Variants in ZNF212 observed in about 807,000 individuals in gnomAD.
The protein encoded by ZNF212 is zinc finger protein 212.
ZNF212 carries 32 observed loss-of-function variants against 47.3 expected under a neutral mutation model. The observed-to-expected ratio is 0.68, with a 90% CI of 0.51 to 0.91. The LOEUF (loss-of-function observed/expected upper bound fraction) is 0.91. Ranked by LOEUF, ZNF212 falls within the 40% of genes least tolerant of loss-of-function variation. The pLI is 0.00. For missense variants in ZNF212, 555 were observed against 622.8 expected (o/e 0.89, Z 1.16); for synonymous variants, 242 against 253.8 (o/e 0.95, Z 0.44).
At chr7:149,249,187 C>T (rs935897098) in intron 1 of ZNF212, among the ~76,000 whole-genome samples, 16 of 152,142 alleles carry the variant, frequency 1.1e-4, no homozygotes, top group African/African-American at 2.9e-4. Context: ...AGAGACAGCT[C>T]ATTAAAGTGA....
At chr7:149,251,142 G>A in intron 3 of ZNF212, 1 of 264,096 alleles carries the variant, frequency 3.8e-6, no homozygotes. Flanking sequence ...AGTGTGATAT[G>A]GCTAGGGTTC....
At chr7:149,252,922 C>G in intron 4 of ZNF212, 127 bp downstream of exon 4, 1 of 878,922 alleles carries the variant, frequency 1.1e-6, no homozygotes, top group East Asian at 2.7e-5. Context: ...TTCTGGACTC[C>G]TTTATGATTG....
intron 1 of ZNF212, among the ~76,000 whole-genome samples, chr7:149,247,096 G>A (rs1327643012): frequency 6.6e-6 from 1 of 151,206 alleles, no homozygotes; most frequent in Non-Finnish European, 1.5e-5. Flanking sequence ...TTAGGTGTGA[G>A]CCACCATGCC....
At chr7:149,246,305 A>G (rs1009562558) in intron 1 of ZNF212, among the ~76,000 whole-genome samples, 3 of 152,238 alleles carry the variant, frequency 2.0e-5, no homozygotes, top group Non-Finnish European at 2.9e-5. Flanking sequence ...AATTTTGACA[A>G]ATGTGTAGCC....
chr7:149,252,365 T>A (rs1301619712), intron 3 of ZNF212, among the ~76,000 whole-genome samples: 3 of 152,034 alleles, frequency 2.0e-5, no homozygotes, highest in African/African-American at 7.2e-5. Flanking sequence ...TGAAATTAGA[T>A]CCCCTGAAAG....
intron 4 of ZNF212, 77 bp from the exon 5 acceptor site, chr7:149,253,482 C>A: frequency 6.6e-7 from 1 of 1,504,232 alleles, no homozygotes; most frequent in Non-Finnish European, 8.9e-7. Context: ...CTGAAATTCA[C>A]AGATGTTTGT....
At chr7:149,240,384 C>CT (rs1426403224) in intron 1 of ZNF212, among the ~76,000 whole-genome samples, 1 of 141,888 alleles carries the variant, frequency 7.0e-6, no homozygotes, top group African/African-American at 2.7e-5. Context: ...TCTCCTTCAC[C>CT]CCCCCCCCAA....
chr7:149,252,917 G>A (rs778276447), intron 4 of ZNF212, 122 bp downstream of exon 4: 41 of 925,550 alleles, frequency 4.4e-5, no homozygotes, highest in Non-Finnish European at 6.4e-5. Flanking sequence ...GCTTGTTCTG[G>A]ACTCCTTTAT....
chr7:149,250,023 T>A, intron 1 of ZNF212, 136 bp from the exon 2 acceptor site: 1 of 791,380 alleles, frequency 1.3e-6, no homozygotes, highest in Non-Finnish European at 1.7e-6. Context: ...CTATGTATAA[T>A]TTTTAGTATC....
At position 149,239,691 on chromosome 7, in the gene ZNF212, T is replaced by G; in HGVS notation, c.-88T>G. On this transcript the variant is annotated 5_prime_UTR_variant, in exon 1 of 5. Transcript: ENST00000335870. Reference sequence around the variant, plus strand: ...TCAACACGGCGGCGGCGGCGGCGGCTTCCAACAGGCTCTGGGGCGCCGAGC... The same window carrying G: ...TCAACACGGCGGCGGCGGCGGCGGCGTCCAACAGGCTCTGGGGCGCCGAGC... The G allele has an allele frequency of 1.3e-6, 1 of 777,486 alleles. No individual in the cohort carries two copies. Among genetic ancestry groups the G allele is most frequent in the Non-Finnish European group, 1.7e-6 (1 of 591,082 alleles). 48.2% of individuals were successfully genotyped at this position (777,486 alleles called of 1,614,324 possible). A position where few individuals can be genotyped will look rare whatever the true frequency, so the allele number is the denominator to read the frequency against.
chr7:149,253,928 A>C lies in ZNF212; in HGVS notation c.1001A>C (p.His334Pro). ...TFRYKQQLAT[H>P]LRSHSGWGSC... ...CGCTATAAGCAGCAGCTGGCCACAC[A>C]TCTGCGCAGCCACTCTGGGTGGGGG... is the stretch of plus-strand genomic sequence containing the variant. The change falls in exon 5 of 5, where the codon CAT becomes CCT. Residue 334 changes from histidine (H) to proline (P), a missense_variant. By Grantham distance (77) the His-to-Pro change is moderately conservative. Transcript: ENST00000335870. 6.2e-7 allele frequency: 1 copy of C among 1,614,014 alleles called. No homozygotes were observed. The highest frequency in any genetic ancestry group is 8.5e-7 in the Non-Finnish European group (1 of 1,180,014).
intron 1 of ZNF212, among the ~76,000 whole-genome samples, chr7:149,244,299 A>ATTATTT (rs771750923): frequency 9.2e-5 from 14 of 151,894 alleles, no homozygotes; most frequent in Non-Finnish European, 1.2e-4. Flanking sequence ...TACAGAAATG[A>ATTATTT]TTATTTTTAT....
At position 149,254,153 on chromosome 7, in the gene ZNF212, A is replaced by G; in HGVS notation, c.1226A>G (p.Asn409Ser). ...CATGTCCAAGAGAGGTTCTCACCCA[A>G]CAGCCTGGTTGCCCTGCCTGGCCAC... ...GQHVQERFSPNSLVALPGHIP... is the reference protein window; with the variant it reads ...GQHVQERFSPSSLVALPGHIP... Residue 409 changes from asparagine (N) to serine (S), a missense_variant, in exon 5 of 5, where the codon AAC (asparagine) becomes AGC (serine). Asn to Ser is a conservative substitution (Grantham distance 46, BLOSUM62 1). Coordinates refer to ENST00000335870, the MANE Select transcript of ZNF212 (RefSeq NM_012256.4). This position sits in a 1 kb window ranked among gnomAD's most constrained non-coding sequence, Gnocchi z 4.5. The G allele has an allele frequency of 6.2e-7, 1 of 1,614,224 alleles. No homozygotes were observed. The highest frequency in any genetic ancestry group is 1.1e-5 in the South Asian group (1 of 91,078).
intron 1 of ZNF212, among the ~76,000 whole-genome samples, chr7:149,243,220 C>T (rs1308179457): frequency 6.6e-6 from 1 of 151,872 alleles, no homozygotes; most frequent in Non-Finnish European, 1.5e-5. Flanking sequence ...AGTGAAATTC[C>T]GTCTCTACTA....
intron 1 of ZNF212, among the ~76,000 whole-genome samples, chr7:149,244,364 G>A (rs908894323): frequency 2.0e-5 from 3 of 152,060 alleles, no homozygotes; most frequent in African/African-American, 7.3e-5. Context: ...CCAGACTGGA[G>A]TGCAGTGGTG....
intron 1 of ZNF212, among the ~76,000 whole-genome samples, chr7:149,241,328 A>G (rs1796584513): frequency 6.7e-6 from 1 of 149,608 alleles, no homozygotes; most frequent in South Asian, 2.2e-4. Context: ...GCTACTCGGG[A>G]GGCTGAGGCA....
At position 149,253,830 on chromosome 7, in the gene ZNF212, AT is replaced by A. The variant is rs774423927; in HGVS notation, c.904del (p.Cys302ValfsTer5). ...ATAGGCAGGTACAGCTGGACCAGGA[AT>A]GTGGGCAGGGCCTGAAGCTGAAAAA... ...SHRQVQLDQE[C>X]GQGLKLKKDT... is the part of the protein sequence containing the mutation. On this transcript the variant is annotated frameshift_variant, in exon 5 of 5. Transcript: ENST00000335870. LOFTEE classifies it high-confidence loss of function. 2.3e-4 allele frequency: 367 copies of A among 1,614,054 alleles called. No individual in the cohort carries two copies. The highest frequency in any genetic ancestry group is 6.6e-4 in the Middle Eastern group (4 of 6,062).
At chr7:149,242,021 C>CTTTTTTTTTTTTTTTTTTTT (rs34883587) in intron 1 of ZNF212, among the ~76,000 whole-genome samples, 5 of 121,344 alleles carry the variant, frequency 4.1e-5, no homozygotes, top group East Asian at 2.3e-4. Flanking sequence ...CTTTTCTTTT[C>CTTTTTTTTTTTTTTTTTTTT]TTTTTTTTTT....
At chr7:149,239,911 G>A (rs1309628534) in intron 1 of ZNF212, 109 bp downstream of exon 1, 19 of 1,208,600 alleles carry the variant, frequency 1.6e-5, no homozygotes, top group Non-Finnish European at 1.3e-5. Flanking sequence ...GGTTTCCCGG[G>A]GCTGCCGTTG....
Sources: gnomAD v4.1 joint callset for allele counts (sites outside exome capture counted in the v4.1 genomes callset) on GRCh38, gnomAD v4.1.1 for gene constraint, Gnocchi (gnomAD v3.1) non-coding constraint, MANE v1.5 for transcripts, NCBI Gene and HGNC (gene_info 2026-07-23, HGNC 2026-07-21) for gene names.